PIGK: variants seen among roughly 807,000 people sequenced by gnomAD.
PIGK encodes phosphatidylinositol glycan anchor biosynthesis class K, also known as GPI-anchor transamidase.
In PIGK, 42 loss-of-function variants were observed where a neutral mutation model predicts 50.6. The ratio of observed to expected loss-of-function variants is 0.83; its 90% CI spans 0.65 to 1.07. The LOEUF (loss-of-function observed/expected upper bound fraction) is 1.07, where lower values mean the gene tolerates loss of function less well. Among genes scored for constraint, PIGK ranks in the 50% least tolerant of loss-of-function variants. The pLI is 0.00. For synonymous variants in PIGK, 151 were observed against 156.0 expected, an observed-to-expected ratio of 0.97 and a Z score of 0.24; for missense variants, 448 against 488.7, an observed-to-expected ratio of 0.92 and a Z score of 0.78.
intron 10 of PIGK, among the ~76,000 whole-genome samples, chr1:77,093,066 T>C (rs1045698276): frequency 7.2e-5 from 11 of 152,112 alleles, no homozygotes; most frequent in African/African-American, 2.7e-4. Context: ...ACCTATTCAT[T>C]GTGCCTATTC....
intron 9 of PIGK, among the ~76,000 whole-genome samples, chr1:77,147,476 T>G (rs1654797391): frequency 6.6e-6 from 1 of 152,202 alleles, no homozygotes; most frequent in Admixed American, 6.5e-5. Context: ...TGTCTTAGAT[T>G]CTGTTTTTCC....
chr1:77,149,744 G>A (rs1231240038), intron 9 of PIGK, among the ~76,000 whole-genome samples: 2 of 152,024 alleles, frequency 1.3e-5, no homozygotes, highest in Non-Finnish European at 2.9e-5. Flanking sequence ...AGACCAAATG[G>A]ACCTAATAGA....
chr1:77,146,063 C>T (rs750484454), intron 9 of PIGK, among the ~76,000 whole-genome samples: 26 of 151,994 alleles, frequency 1.7e-4, no homozygotes, highest in Non-Finnish European at 2.4e-4. Flanking sequence ...AATGATAAGT[C>T]GAACCATTGT....
At chr1:77,109,110 A>G (rs1653773912) in intron 10 of PIGK, among the ~76,000 whole-genome samples, 1 of 152,194 alleles carries the variant, frequency 6.6e-6, no homozygotes, top group South Asian at 2.1e-4. Context: ...AATTGAGGCA[A>G]TAACTAATAG....
chr1:77,104,359 A>C (rs189731732), intron 10 of PIGK, among the ~76,000 whole-genome samples: 1 of 152,166 alleles, frequency 6.6e-6, no homozygotes, highest in African/African-American at 2.4e-5. Flanking sequence ...ACATGAGGAG[A>C]GAAATAGAAT....
intron 1 of PIGK, among the ~76,000 whole-genome samples, chr1:77,213,380 T>C (rs1656467466): frequency 1.3e-5 from 2 of 152,130 alleles, no homozygotes; most frequent in East Asian, 1.9e-4. Flanking sequence ...CTGACTACAA[T>C]AGAAAAGAAC....
chr1:77,205,753 T>A (rs1418334295), intron 3 of PIGK, among the ~76,000 whole-genome samples: 3 of 152,168 alleles, frequency 2.0e-5, no homozygotes, highest in Admixed American at 2.0e-4. Context: ...TACAGTTTCT[T>A]GCTATAGCTG....
intron 3 of PIGK, among the ~76,000 whole-genome samples, chr1:77,198,641 T>C (rs990373615): frequency 4.6e-5 from 7 of 151,974 alleles, no homozygotes; most frequent in Admixed American, 3.3e-4. Context: ...AGGTACCATT[T>C]ACAATAATAA....
chr1:77,092,242 G>A lies in PIGK; in HGVS notation c.*132C>T, dbSNP rs375977397. 1.2e-5 allele frequency: 6 copies of A among 502,912 alleles called. No homozygotes were observed. Among genetic ancestry groups the A allele is most frequent in the East Asian group, 3.6e-5 (1 of 27,850 alleles). 31.2% of individuals were successfully genotyped at this position (502,912 alleles called of 1,614,324 possible). ...TTTTCTTTAAGTTATAAAATTAATA[G>A]TTGATTCAAATTTAGTTTCCTTATA... On this transcript the variant is annotated 3_prime_UTR_variant, in exon 11 of 11. Coordinates refer to ENST00000370812, the MANE Select transcript of PIGK (RefSeq NM_005482.3).
intron 3 of PIGK, among the ~76,000 whole-genome samples, chr1:77,177,204 C>T (rs1242140450): frequency 4.0e-5 from 6 of 151,474 alleles, no homozygotes; most frequent in Non-Finnish European, 7.4e-5. Flanking sequence ...TTTTATGGTT[C>T]ACTGAGGACA....
chr1:77,107,535 C>A (rs1464843660), intron 10 of PIGK, among the ~76,000 whole-genome samples: 2 of 151,974 alleles, frequency 1.3e-5, no homozygotes, highest in African/African-American at 4.8e-5. Context: ...GGAATAAGTG[C>A]GATGTGGTGC....
chr1:77,192,029 GGAGATT>G (rs1557819835), intron 3 of PIGK, among the ~76,000 whole-genome samples: 1 of 152,116 alleles, frequency 6.6e-6, no homozygotes, highest in Non-Finnish European at 1.5e-5. Context: ...CAGCTACTCA[GGAGATT>G]GAGGCAGGAG....
rs993090066 is a variant in PIGK at position 77,212,901 on chromosome 1, G to C, written c.94-2412C>G. On this transcript the variant is annotated intron_variant, in intron 1 of 10. Coordinates refer to ENST00000370812, the MANE Select transcript of PIGK (RefSeq NM_005482.3). ...CACTCTCCATTGGACGGATCATCTGGACAGAAAATCAACAAGGAAACATTG... is the reference window on the plus strand; with the variant it reads ...CACTCTCCATTGGACGGATCATCTGCACAGAAAATCAACAAGGAAACATTG... Among the ~76,000 whole-genome samples, 6 of 152,040 alleles carry C rather than the reference G, an allele frequency of 3.9e-5. No individual in the cohort carries two copies. The South Asian group carries it at 1.2e-3, about 32-fold the overall frequency.
At chr1:77,115,179 A>G (rs188458284) in intron 10 of PIGK, among the ~76,000 whole-genome samples, 1 of 152,348 alleles carries the variant, frequency 6.6e-6, no homozygotes, top group East Asian at 1.9e-4. Context: ...TTGAAAAATT[A>G]CCACAATCCA....
chr1:77,128,029 C>G (rs1654269625), intron 9 of PIGK, among the ~76,000 whole-genome samples: 2 of 152,100 alleles, frequency 1.3e-5, no homozygotes, highest in African/African-American at 4.8e-5. Context: ...TGGAGACAAA[C>G]ACAAAATGCT....
chr1:77,173,970 T>C (rs1198156416), intron 3 of PIGK, among the ~76,000 whole-genome samples: 1 of 152,252 alleles, frequency 6.6e-6, no homozygotes, highest in Non-Finnish European at 1.5e-5. Context: ...GAAAATTATC[T>C]TGAGCAGTTA....
At chr1:77,173,622 C>T (rs1416524289) in intron 3 of PIGK, among the ~76,000 whole-genome samples, 3 of 152,200 alleles carry the variant, frequency 2.0e-5, no homozygotes, top group African/African-American at 7.2e-5. Flanking sequence ...TTTAGTTCCT[C>T]TGTAAAGTTT....
At chr1:77,213,263 C>A (rs1656464387) in intron 1 of PIGK, among the ~76,000 whole-genome samples, 1 of 152,196 alleles carries the variant, frequency 6.6e-6, no homozygotes, top group African/African-American at 2.4e-5. Context: ...ATTACACATT[C>A]TTCTCGTCAG....
Position 77,174,171 on chromosome 1 carries a change from C to G in PIGK, c.240-4776G>C, listed in dbSNP as rs140147321. ...CTTACCATCTGTTGATTCTCTTCCC[C>G]TCCATAAACTGTATTACAATTTTCT... is the stretch of plus-strand genomic sequence containing the variant. On this transcript the variant is annotated intron_variant, in intron 3 of 10. Coordinates refer to ENST00000370812, the MANE Select transcript of PIGK (RefSeq NM_005482.3). Among the ~76,000 whole-genome samples the G allele has an allele frequency of 3.7e-3, 564 of 152,318 alleles. 3 individuals are homozygous for G. The highest frequency in any genetic ancestry group is 0.013 in the African/African-American group (538 of 41,570).
Sources: allele counts gnomAD v4.1 joint callset (sites outside exome capture counted in the v4.1 genomes callset), GRCh38; gene constraint gnomAD v4.1.1; transcripts MANE v1.5; gene names NCBI Gene and HGNC (gene_info 2026-07-23, HGNC 2026-07-21).